GALNTL6: variants seen among roughly 807,000 people sequenced by gnomAD.
GALNTL6 encodes the protein polypeptide N-acetylgalactosaminyltransferase like 6.
A neutral mutation model predicts 73.7 loss-of-function variants in GALNTL6; 46 were observed. The ratio of observed to expected loss-of-function variants is 0.62; its 90% CI spans 0.49 to 0.80. The LOEUF (loss-of-function observed/expected upper bound fraction) is 0.80, where lower values mean the gene tolerates loss of function less well. Among genes scored for constraint, GALNTL6 ranks in the 30% least tolerant of loss-of-function variants. The probability of loss-of-function intolerance (pLI) is 0.00; values close to 1 mark genes in which losing one functional copy is unlikely to be tolerated. For missense variants in GALNTL6, 604 were observed against 755.0 expected, an observed-to-expected ratio of 0.80 and a Z score of 2.34; for synonymous variants, 259 against 263.7, an observed-to-expected ratio of 0.98 and a Z score of 0.17.
intron 5 of GALNTL6, among the ~76,000 whole-genome samples, chr4:172,711,767 A>G (rs984282218): frequency 5.3e-5 from 8 of 152,202 alleles, no homozygotes; most frequent in African/African-American, 2.4e-5. Context: ...AGTCTGAGCT[A>G]GAGACAGGCA....
chr4:172,520,252 G>T lies in GALNTL6; in HGVS notation c.553+171563G>T, dbSNP rs190010381. Among the ~76,000 whole-genome samples the T allele has an allele frequency of 2.7e-3, 410 of 151,906 alleles. 2 individuals carry two copies. The highest frequency in any genetic ancestry group is 9.2e-3 in the African/African-American group (380 of 41,516). On this transcript the variant is annotated intron_variant, in intron 5 of 12. Coordinates refer to ENST00000506823, the MANE Select transcript of GALNTL6 (RefSeq NM_001034845.3). ...CAAATCTCCTGATACATAATCTATTGTTCATTATAGGGCTCTGCTGCATTC... is the reference window on the plus strand; with the variant it reads ...CAAATCTCCTGATACATAATCTATTTTTCATTATAGGGCTCTGCTGCATTC...
chr4:172,974,140 T>C lies in GALNTL6; in HGVS notation c.1371+21882T>C, dbSNP rs562199395. On this transcript the variant is annotated intron_variant, in intron 10 of 12. Coordinates refer to ENST00000506823, the MANE Select transcript of GALNTL6 (RefSeq NM_001034845.3). ...TGCCCTACAGCTAAAATAATTATAT[T>C]GAAATACATCACCATATCCTGTCAT... 9.2e-5 allele frequency among the ~76,000 whole-genome samples: 14 copies of C among 152,334 alleles called. No individual in the cohort carries two copies. In the East Asian group the frequency reaches 2.3e-3, roughly 25 times the overall value.
chr4:172,017,321 C>T (rs1319348904), intron 2 of GALNTL6, among the ~76,000 whole-genome samples: 1 of 152,138 alleles, frequency 6.6e-6, no homozygotes, highest in East Asian at 1.9e-4. Flanking sequence ...CACTTCTTTT[C>T]ATGGACAGAA....
chr4:172,018,875 T>A (rs1166234034), intron 2 of GALNTL6, among the ~76,000 whole-genome samples: 1 of 152,074 alleles, frequency 6.6e-6, no homozygotes, highest in Non-Finnish European at 1.5e-5. Context: ...AGGGATGGCT[T>A]CCCTGGGTGC....
At chr4:172,151,599 A>C (rs1734088594) in intron 2 of GALNTL6, among the ~76,000 whole-genome samples, 1 of 152,212 alleles carries the variant, frequency 6.6e-6, no homozygotes, top group Non-Finnish European at 1.5e-5. Context: ...AGAAAGGAAA[A>C]GTGGAGCAGA....
At chr4:172,470,435 G>T (rs1051169191) in intron 5 of GALNTL6, among the ~76,000 whole-genome samples, 3 of 152,134 alleles carry the variant, frequency 2.0e-5, no homozygotes, top group African/African-American at 7.2e-5. Context: ...TATACCATCT[G>T]CCATAGATAT....
At position 172,382,251 on chromosome 4, in the gene GALNTL6, G is replaced by A. The variant is rs576871264; in HGVS notation, c.553+33562G>A. On this transcript the variant is annotated intron_variant, in intron 5 of 12. Coordinates refer to ENST00000506823, the MANE Select transcript of GALNTL6 (RefSeq NM_001034845.3). ...CCCAAAGTGCTGGGATTACAAGAGTGAGCCACCACGCCCAGCCAATATTGT... is the reference window on the plus strand; with the variant it reads ...CCCAAAGTGCTGGGATTACAAGAGTAAGCCACCACGCCCAGCCAATATTGT... Among the ~76,000 whole-genome samples, 378 of 151,264 alleles carry A rather than the reference G, an allele frequency of 2.5e-3. 2 individuals are homozygous for A. The highest frequency in any genetic ancestry group is 3.3e-3 in the Non-Finnish European group (225 of 67,878).
intron 2 of GALNTL6, among the ~76,000 whole-genome samples, chr4:172,203,165 G>A (rs1736008318): frequency 6.6e-6 from 1 of 152,158 alleles, no homozygotes; most frequent in Non-Finnish European, 1.5e-5. Flanking sequence ...TTTTTAGCAT[G>A]ATAGAATGAG....
intron 5 of GALNTL6, among the ~76,000 whole-genome samples, chr4:172,655,563 G>T (rs1349390288): frequency 6.6e-6 from 1 of 152,068 alleles, no homozygotes; most frequent in East Asian, 1.9e-4. Flanking sequence ...AGCTCATAAA[G>T]GGCAGAGTTG....
chr4:172,256,224 C>A (rs1283563947), intron 3 of GALNTL6, among the ~76,000 whole-genome samples: 1 of 151,320 alleles, frequency 6.6e-6, no homozygotes, highest in African/African-American at 2.4e-5. Context: ...TAAATCCAAT[C>A]CAGCTGCAAC....
chr4:172,152,275 C>A (rs1475150867), intron 2 of GALNTL6, among the ~76,000 whole-genome samples: 2 of 152,138 alleles, frequency 1.3e-5, no homozygotes, highest in South Asian at 2.1e-4. Flanking sequence ...ACACTGCACT[C>A]GGACCATTTC....
chr4:172,208,973 A>G lies in GALNTL6; in HGVS notation c.139-20683A>G, dbSNP rs112882533. On this transcript the variant is annotated intron_variant, in intron 2 of 12. Coordinates refer to ENST00000506823, the MANE Select transcript of GALNTL6 (RefSeq NM_001034845.3). ...TTTCAAGCATAAATAATTGCACAAA[A>G]TACATGAGAAAGGTTAAACTACAGG... 2.1e-3 allele frequency among the ~76,000 whole-genome samples: 323 copies of G among 152,290 alleles called. 1 individual carries two copies. Among genetic ancestry groups the G allele is most frequent in the African/African-American group, 6.7e-3 (280 of 41,586 alleles).
chr4:172,375,392 G>T (rs574478426), intron 5 of GALNTL6, among the ~76,000 whole-genome samples: 1 of 152,176 alleles, frequency 6.6e-6, no homozygotes, highest in African/African-American at 2.4e-5. Flanking sequence ...CTCAGGGTTT[G>T]TGGGTCAAAT....
chr4:172,637,467 T>C (rs1197062905), intron 5 of GALNTL6, among the ~76,000 whole-genome samples: 3 of 152,204 alleles, frequency 2.0e-5, no homozygotes, highest in Non-Finnish European at 4.4e-5. Flanking sequence ...AGAATTGCTG[T>C]ATTTACCTTT....
rs946306436 is a variant in GALNTL6, at chr4:172,437,442, C to A, written c.553+88753C>A. Among the ~76,000 whole-genome samples the A allele has an allele frequency of 1.4e-4, 21 of 151,802 alleles. No individual in the cohort carries two copies. The South Asian group carries it at 2.1e-3, about 15-fold the overall frequency. Reference sequence around the variant, plus strand: ...TAAGATATTTTGGAGTGATAGGGACCAAACTAGAGAGAAATTTTTATCTCA... The same window carrying A: ...TAAGATATTTTGGAGTGATAGGGACAAAACTAGAGAGAAATTTTTATCTCA... On this transcript the variant is annotated intron_variant, in intron 5 of 12. Coordinates refer to ENST00000506823, the MANE Select transcript of GALNTL6 (RefSeq NM_001034845.3).
Position 172,526,875 on chromosome 4 carries a change from T to C in GALNTL6, c.553+178186T>C, listed in dbSNP as rs1346174739. ...TTATCCATGTGTACTGGTTATGATT[T>C]TCATAAGCTGGCCTGACAAGGAGTG... On this transcript the variant is annotated intron_variant, in intron 5 of 12. Transcript: ENST00000506823. Among the ~76,000 whole-genome samples the C allele has an allele frequency of 4.6e-5, 7 of 152,002 alleles. No homozygotes were observed. In the South Asian group the frequency reaches 1.5e-3, roughly 32 times the overall value.
At chr4:172,181,971 C>G (rs1438728121) in intron 2 of GALNTL6, among the ~76,000 whole-genome samples, 2 of 152,112 alleles carry the variant, frequency 1.3e-5, no homozygotes, top group Non-Finnish European at 2.9e-5. Flanking sequence ...CCTGACTCGG[C>G]CTCCCAAAGT....
chr4:172,181,637 A>AG (rs71592052), intron 2 of GALNTL6, among the ~76,000 whole-genome samples: 74,431 of 151,760 alleles, frequency 0.49, 20,646 homozygotes, highest in African/African-American at 0.77. Flanking sequence ...TCAAATAGGA[A>AG]AGAGGAAGTC....
intron 2 of GALNTL6, among the ~76,000 whole-genome samples, chr4:172,165,454 T>C (rs1579202694): frequency 6.6e-6 from 1 of 152,126 alleles, no homozygotes; most frequent in African/African-American, 2.4e-5. Context: ...CTCAAAAGAC[T>C]TATCAGTGTC....
Sources: allele counts gnomAD v4.1 joint callset (sites outside exome capture counted in the v4.1 genomes callset), GRCh38; gene constraint gnomAD v4.1.1; transcripts MANE v1.5; gene names NCBI Gene and HGNC (gene_info 2026-07-23, HGNC 2026-07-21).